ARAP2: variants seen among roughly 807,000 people sequenced by gnomAD.
ARAP2 encodes the protein ArfGAP with RhoGAP domain, ankyrin repeat and PH domain 2.
ARAP2 carries 148 observed loss-of-function variants against 194.5 expected under a neutral mutation model. The observed-to-expected ratio is 0.76, with a 90% CI of 0.67 to 0.87. ARAP2 has a LOEUF of 0.87. ARAP2 is among the 40% of genes least tolerant of loss of function. ARAP2 has a pLI of 0.00. For synonymous variants in ARAP2, 695 were observed against 683.5 expected (o/e 1.02, Z -0.26); for missense variants, 2,128 against 1,989.7 (o/e 1.07, Z -1.32).
At chr4:36,169,191 G>A (rs979832641) in intron 9 of ARAP2, among the ~76,000 whole-genome samples, 7 of 152,094 alleles carry the variant, frequency 4.6e-5, no homozygotes, top group South Asian at 4.1e-4. Context: ...GAATAAATAC[G>A]TGGACTGCAT....
intron 5 of ARAP2, among the ~76,000 whole-genome samples, chr4:36,036,752 G>A (rs767119464): frequency 3.9e-5 from 6 of 151,990 alleles, no homozygotes; most frequent in Non-Finnish European, 7.4e-5. Flanking sequence ...CTAAGTTTCT[G>A]TTATATAGCT....
chr4:36,027,727 G>C (rs766511265), intron 5 of ARAP2, among the ~76,000 whole-genome samples: 7 of 152,068 alleles, frequency 4.6e-5, no homozygotes, highest in Non-Finnish European at 4.4e-5. Context: ...ACACAGAGAG[G>C]TTAAGTGACT....
intron 2 of ARAP2, among the ~76,000 whole-genome samples, chr4:36,217,818 T>C (rs1414967840): frequency 6.6e-6 from 1 of 150,924 alleles, no homozygotes; most frequent in African/African-American, 2.4e-5. Context: ...TAATACTAGA[T>C]AAATAATACT....
chr4:36,158,820 C>A lies in ARAP2; in HGVS notation c.2662G>T (p.Glu888Ter). ...DIHSEGVLSQ[E>*]SSQSTFLCDF... ...CAGAGGAATGTGGACTGGGAAGACT[C>A]TTGACTTAATACACCCTCGGAATGA... is the stretch of plus-strand genomic sequence containing the variant. The change falls in exon 15 of 33, where the codon GAG becomes TAG. Residue 888 changes from glutamate to a stop codon, truncating the protein, a stop_gained. Transcript: ENST00000303965. LOFTEE classifies it high-confidence loss of function. The A allele has an allele frequency of 6.2e-7, 1 of 1,611,674 alleles. No individual in the cohort carries two copies. The highest frequency in any genetic ancestry group is 8.5e-7 in the Non-Finnish European group (1 of 1,179,146).
chr4:36,121,066 G>T, intron 23 of ARAP2, 113 bp downstream of exon 23: 1 of 735,036 alleles, frequency 1.4e-6, no homozygotes, highest in Non-Finnish European at 2.0e-6. Context: ...CTTATTTTAT[G>T]TATTTCTAAA....
chr4:36,185,070 C>T (rs547580066), intron 8 of ARAP2, among the ~76,000 whole-genome samples: 5 of 152,200 alleles, frequency 3.3e-5, no homozygotes, highest in South Asian at 2.1e-4. Context: ...TAGGCTTTAC[C>T]GGCCACAGTC....
chr4:36,151,169 A>C, intron 15 of ARAP2, 125 bp from the exon 16 acceptor site: 1 of 866,444 alleles, frequency 1.2e-6, no homozygotes, highest in Non-Finnish European at 1.7e-6. Flanking sequence ...CCTATTTCAC[A>C]TAAAGTATAT....
At chr4:36,099,277 C>CA (rs1716207488) in intron 27 of ARAP2, among the ~76,000 whole-genome samples, 1 of 152,030 alleles carries the variant, frequency 6.6e-6, no homozygotes, top group Non-Finnish European at 1.5e-5. Flanking sequence ...TGTATATGTA[C>CA]CACATTTTCT....
rs550368795 is a variant in ARAP2 at position 36,153,573 on chromosome 4, T to C, written c.2753-2529A>G. Among the ~76,000 whole-genome samples, 478 of 152,328 alleles carry C rather than the reference T, an allele frequency of 3.1e-3. 4 individuals are homozygous for C. Among genetic ancestry groups the C allele is most frequent in the Non-Finnish European group, 5.3e-3 (358 of 68,026 alleles). Reference sequence around the variant, plus strand: ...TGGATTGGCAAGAGGGATTATTCATTCTTTCAATTCAATCTTCATGTTGAG... The same window carrying C: ...TGGATTGGCAAGAGGGATTATTCATCCTTTCAATTCAATCTTCATGTTGAG... On this transcript the variant is annotated intron_variant, in intron 15 of 32. Transcript: ENST00000303965.
At position 36,054,397 on chromosome 4, in the gene ARAP2, A is replaced by G. The variant is rs2109258148; in HGVS notation, n.322-2344T>C. ...AATTTTTCTGGATCAGATAATTGGTAAGTAGAGAGACCTACAAAATCTCTG... is the reference window on the plus strand; with the variant it reads ...AATTTTTCTGGATCAGATAATTGGTGAGTAGAGAGACCTACAAAATCTCTG... On this transcript the variant is annotated intron_variant and non_coding_transcript_variant, in intron 2 of 12. Coordinates refer to the ARAP2 transcript ENST00000503225. 2.0e-5 allele frequency among the ~76,000 whole-genome samples: 3 copies of G among 152,354 alleles called. No homozygotes were observed. In the Middle Eastern group the frequency reaches 0.01, roughly 518 times the overall value.
At chr4:36,116,788 C>G (rs1721445462) in intron 25 of ARAP2, among the ~76,000 whole-genome samples, 2 of 151,570 alleles carry the variant, frequency 1.3e-5, no homozygotes, top group South Asian at 4.1e-4. Flanking sequence ...CGTTAGGAAG[C>G]TAGGAAGGGG....
chr4:36,149,191 C>T (rs1292885168), intron 16 of ARAP2, among the ~76,000 whole-genome samples: 5 of 152,064 alleles, frequency 3.3e-5, no homozygotes, highest in Non-Finnish European at 7.4e-5. Flanking sequence ...TCCTCTTTTC[C>T]ACCCCAAGCC....
At chr4:36,081,911 GAT>G (rs1190926878) in intron 30 of ARAP2, among the ~76,000 whole-genome samples, 1 of 152,068 alleles carries the variant, frequency 6.6e-6, no homozygotes, top group African/African-American at 2.4e-5. Flanking sequence ...TTGAGAGCGG[GAT>G]ATATGTTTTT....
intron 20 of ARAP2, among the ~76,000 whole-genome samples, chr4:36,132,675 T>C (rs1725709732): frequency 6.6e-6 from 1 of 151,782 alleles, no homozygotes; most frequent in Non-Finnish European, 1.5e-5. Flanking sequence ...TACAGATCAA[T>C]GTATTTTTTA....
At chr4:36,088,930 T>C (rs1712716828) in intron 28 of ARAP2, among the ~76,000 whole-genome samples, 1 of 152,128 alleles carries the variant, frequency 6.6e-6, no homozygotes, top group Non-Finnish European at 1.5e-5. Flanking sequence ...TTTACCCAAG[T>C]GAATTTTATA....
chr4:36,199,354 C>A (rs1743878331), intron 6 of ARAP2, among the ~76,000 whole-genome samples: 1 of 152,184 alleles, frequency 6.6e-6, no homozygotes, highest in Admixed American at 6.5e-5. Flanking sequence ...TGCAGTGGCA[C>A]AATCTCTGCT....
At chr4:36,171,989 A>G (rs1175208389) in intron 9 of ARAP2, among the ~76,000 whole-genome samples, 1 of 152,254 alleles carries the variant, frequency 6.6e-6, no homozygotes. Flanking sequence ...AAGCCAAACT[A>G]TCAACCTTTA....
intron 1 of ARAP2, among the ~76,000 whole-genome samples, chr4:36,243,146 G>A (rs1195823773): frequency 6.6e-6 from 1 of 151,522 alleles, no homozygotes; most frequent in Non-Finnish European, 1.5e-5. Flanking sequence ...AAAAAAGTTA[G>A]CTTGCTTTTT....
At chr4:36,126,164 AAATT>A (rs1046766066) in intron 21 of ARAP2, among the ~76,000 whole-genome samples, 9 of 152,050 alleles carry the variant, frequency 5.9e-5, no homozygotes, top group African/African-American at 2.2e-4. Context: ...GGAAACACCC[AAATT>A]ACATTCAAAG....
Sources: gnomAD v4.1 joint callset for allele counts (sites outside exome capture counted in the v4.1 genomes callset) on GRCh38, gnomAD v4.1.1 for gene constraint, MANE v1.5 for transcripts, NCBI Gene and HGNC (gene_info 2026-07-23, HGNC 2026-07-21) for gene names.